Variants in UPP2 observed in about 807,000 individuals in gnomAD.
UPP2 encodes UPase 2.
A neutral mutation model predicts 26.7 loss-of-function variants in UPP2; 23 were observed. That is an observed-to-expected ratio of 0.86 (90% CI 0.62 to 1.22). The LOEUF is 1.22. Among genes scored for constraint, UPP2 ranks in the 50% most tolerant of loss-of-function variants. The probability of loss-of-function intolerance (pLI) is 0.00; values close to 1 mark genes in which losing one functional copy is unlikely to be tolerated. For synonymous variants in UPP2, 127 were observed against 141.3 expected (o/e 0.90, Z 0.72); for missense variants, 387 against 396.7 (o/e 0.98, Z 0.21).
Position 158,108,197 on chromosome 2 carries a change from G to A in UPP2, c.180+1981G>A, listed in dbSNP as rs1042891644. Among the ~76,000 whole-genome samples the A allele has an allele frequency of 7.9e-5, 12 of 152,242 alleles. No individual in the cohort carries two copies. The South Asian group carries it at 1.7e-3, about 21-fold the overall frequency. The stretch of plus-strand genomic sequence containing the variant: ...GTGTCTCCTCTACCATTTATGGTGC[G>A]CTTTCTATATATCAGACTCTGTGTG... On this transcript the variant is annotated intron_variant, in intron 2 of 6. Transcript: ENST00000005756.
At chr2:158,082,506 A>T (rs930156521) in intron 3 of UPP2, among the ~76,000 whole-genome samples, 5 of 152,186 alleles carry the variant, frequency 3.3e-5, no homozygotes, top group Non-Finnish European at 7.3e-5. Context: ...TCTCCACCAT[A>T]TGCAGAAAAC....
chr2:158,090,067 G>A (rs1415499641), intron 3 of UPP2, among the ~76,000 whole-genome samples: 1 of 152,098 alleles, frequency 6.6e-6, no homozygotes, highest in Non-Finnish European at 1.5e-5. Flanking sequence ...AGTGACTACA[G>A]TCAACAATCA....
chr2:158,013,868 T>C (rs1349174587), intron 2 of UPP2, among the ~76,000 whole-genome samples: 1 of 152,240 alleles, frequency 6.6e-6, no homozygotes, highest in African/African-American at 2.4e-5. Flanking sequence ...TTTTGTTTTC[T>C]TGTGTTTACG....
intron 3 of UPP2, among the ~76,000 whole-genome samples, chr2:158,033,922 G>A (rs1683963035): frequency 6.6e-6 from 1 of 151,704 alleles, no homozygotes; most frequent in African/African-American, 2.4e-5. Flanking sequence ...GGAGAAGGCA[G>A]CCAAAGACAA....
At position 158,026,132 on chromosome 2, in the gene UPP2, C is replaced by T. The variant is rs370585919; in HGVS notation, c.147+10246C>T. Among the ~76,000 whole-genome samples the T allele has an allele frequency of 8.3e-4, 126 of 152,100 alleles. 5 individuals are homozygous for T. In the South Asian group the frequency reaches 0.019, roughly 22 times the overall value. Reference sequence around the variant, plus strand: ...AATGGTGGGAAGGGAAAGCTCTTGTCGACAAGAGACCTGAGGCGGCCTGGT... The same window carrying T: ...AATGGTGGGAAGGGAAAGCTCTTGTTGACAAGAGACCTGAGGCGGCCTGGT... On this transcript the variant is annotated intron_variant, in intron 3 of 9. Coordinates refer to the UPP2 transcript ENST00000605860.
At chr2:158,095,773 A>T (rs1221026814) in intron 3 of UPP2, among the ~76,000 whole-genome samples, 1 of 151,768 alleles carries the variant, frequency 6.6e-6, no homozygotes, top group Admixed American at 6.6e-5. Context: ...GTTGTTACTG[A>T]CATTCTTCCT....
intron 3 of UPP2, among the ~76,000 whole-genome samples, chr2:158,062,339 C>A (rs1682365607): frequency 6.6e-6 from 1 of 152,028 alleles, no homozygotes; most frequent in South Asian, 2.1e-4. Flanking sequence ...TGGCTAGTGG[C>A]TACCATATTG....
At chr2:158,010,246 T>G (rs903055960) in intron 2 of UPP2, among the ~76,000 whole-genome samples, 1 of 152,168 alleles carries the variant, frequency 6.6e-6, no homozygotes, top group Non-Finnish European at 1.5e-5. Context: ...CTATAATAAT[T>G]ATGTATCACT....
chr2:157,996,754 C>T (rs1683329737), intron 2 of UPP2, among the ~76,000 whole-genome samples: 1 of 152,068 alleles, frequency 6.6e-6, no homozygotes, highest in South Asian at 2.1e-4. Context: ...ATCGATGAAG[C>T]ATATTGATTA....
At chr2:158,128,569 C>G (rs550998646) in intron 6 of UPP2, among the ~76,000 whole-genome samples, 1 of 152,178 alleles carries the variant, frequency 6.6e-6, no homozygotes, top group Non-Finnish European at 1.5e-5. Flanking sequence ...TTCTACATGA[C>G]TGTAGCTCAG....
At chr2:158,034,232 C>T (rs943714917) in intron 3 of UPP2, among the ~76,000 whole-genome samples, 21 of 152,152 alleles carry the variant, frequency 1.4e-4, no homozygotes, top group African/African-American at 5.1e-4. Flanking sequence ...GGTGCTTGTT[C>T]TTGAAGCTGC....
chr2:158,059,530 C>T (rs1243055383), intron 3 of UPP2, among the ~76,000 whole-genome samples: 3 of 152,192 alleles, frequency 2.0e-5, no homozygotes, highest in Non-Finnish European at 4.4e-5. Context: ...CATATCTTGG[C>T]AGCCAGGAAT....
intron 2 of UPP2, among the ~76,000 whole-genome samples, chr2:158,009,904 G>A (rs1304202605): frequency 6.6e-6 from 1 of 152,200 alleles, no homozygotes. Flanking sequence ...TTCTAAAAAC[G>A]TGGCTACCTT....
chr2:158,132,098 A>C (rs1458333804), intron 6 of UPP2, among the ~76,000 whole-genome samples: 1 of 152,240 alleles, frequency 6.6e-6, no homozygotes, highest in Non-Finnish European at 1.5e-5. Flanking sequence ...GCTGATCATT[A>C]ACTTGAAAAG....
chr2:158,048,409 G>A (rs926585432), intron 3 of UPP2, among the ~76,000 whole-genome samples: 8 of 152,132 alleles, frequency 5.3e-5, no homozygotes, highest in African/African-American at 1.7e-4. Context: ...AGTTTGAAAC[G>A]AGCCTGAGCA....
intron 3 of UPP2, among the ~76,000 whole-genome samples, chr2:158,060,021 A>T (rs1682328673): frequency 1.3e-5 from 2 of 152,192 alleles, no homozygotes; most frequent in South Asian, 4.1e-4. Context: ...TACATTAATT[A>T]ACACATATTA....
At chr2:158,117,798 T>C (rs749280820) in intron 3 of UPP2, 26 bp from the exon 4 acceptor site, 5 of 1,544,956 alleles carry the variant, frequency 3.2e-6, no homozygotes, top group Non-Finnish European at 4.5e-6. Flanking sequence ...GCAAGATGTA[T>C]GATGACTTTC....
At chr2:158,021,088 C>T (rs979597479) in intron 3 of UPP2, among the ~76,000 whole-genome samples, 9 of 152,186 alleles carry the variant, frequency 5.9e-5, no homozygotes, top group African/African-American at 1.9e-4. Flanking sequence ...CTCAAGATGA[C>T]GCTTTTAAAT....
chr2:158,018,991 C>T (rs1052480366), intron 3 of UPP2, among the ~76,000 whole-genome samples: 1 of 152,024 alleles, frequency 6.6e-6, no homozygotes, highest in Non-Finnish European at 1.5e-5. Context: ...GGTAGATCTC[C>T]ACATGGTTAC....
Sources: allele counts gnomAD v4.1 joint callset (sites outside exome capture counted in the v4.1 genomes callset), GRCh38; gene constraint gnomAD v4.1.1; transcripts MANE v1.5; gene names NCBI Gene and HGNC (gene_info 2026-07-23, HGNC 2026-07-21).